GNA14: variants seen among roughly 807,000 people sequenced by gnomAD.
GNA14 encodes the protein guanine nucleotide-binding protein subunit alpha-14.
GNA14 carries 50 observed loss-of-function variants against 42.0 expected under a neutral mutation model. The ratio of observed to expected loss-of-function variants is 1.19; its 90% CI spans 0.95 to 1.51. The LOEUF (loss-of-function observed/expected upper bound fraction) is 1.51. Ranked by LOEUF, GNA14 falls within the 40% of genes most tolerant of loss-of-function variation. The probability of loss-of-function intolerance (pLI) is 0.00; values close to 1 mark genes in which losing one functional copy is unlikely to be tolerated. For synonymous variants in GNA14, 173 were observed against 163.1 expected (o/e 1.06, Z -0.46); for missense variants, 473 against 446.2 (o/e 1.06, Z -0.54).
At chr9:77,503,193 G>A (rs1047253968) in intron 2 of GNA14, among the ~76,000 whole-genome samples, 1 of 152,170 alleles carries the variant, frequency 6.6e-6, no homozygotes, top group Non-Finnish European at 1.5e-5. Flanking sequence ...TTCCAGAAAT[G>A]GGGGTTCCCA....
intron 2 of GNA14, among the ~76,000 whole-genome samples, chr9:77,459,056 C>G (rs1836059874): frequency 6.6e-6 from 1 of 152,032 alleles, no homozygotes; most frequent in Non-Finnish European, 1.5e-5. Flanking sequence ...GTACTTAATG[C>G]CACTGAATTG....
intron 2 of GNA14, among the ~76,000 whole-genome samples, chr9:77,495,465 A>T (rs2131739455): frequency 6.6e-6 from 1 of 152,264 alleles, no homozygotes; most frequent in African/African-American, 2.4e-5. Context: ...CTGAGTGACC[A>T]TTTGGTGGAA....
intron 2 of GNA14, among the ~76,000 whole-genome samples, chr9:77,525,347 G>A (rs952045642): frequency 6.6e-6 from 1 of 151,932 alleles, no homozygotes. Context: ...CTTTCCATTC[G>A]ACCTTCTGCC....
intron 1 of GNA14, among the ~76,000 whole-genome samples, chr9:77,542,139 G>C (rs1187243822): frequency 6.6e-6 from 1 of 152,080 alleles, no homozygotes; most frequent in African/African-American, 2.4e-5. Context: ...GATATCTGGT[G>C]TAACAGTCCA....
intron 1 of GNA14, among the ~76,000 whole-genome samples, chr9:77,568,197 T>C (rs1469774989): frequency 4.6e-5 from 7 of 152,118 alleles, no homozygotes; most frequent in African/African-American, 1.7e-4. Flanking sequence ...ATACCTGTAA[T>C]CCCAGCACTT....
chr9:77,445,323 A>G (rs1835797897), intron 2 of GNA14, among the ~76,000 whole-genome samples: 1 of 152,104 alleles, frequency 6.6e-6, no homozygotes, highest in Non-Finnish European at 1.5e-5. Context: ...GAACACAGTC[A>G]AGTGAAATTT....
chr9:77,440,674 T>G (rs1036126337), intron 2 of GNA14, among the ~76,000 whole-genome samples: 2 of 152,214 alleles, frequency 1.3e-5, no homozygotes, highest in Non-Finnish European at 2.9e-5. Context: ...TATTGTTTTG[T>G]AGTGAGAACA....
intron 1 of GNA14, among the ~76,000 whole-genome samples, chr9:77,546,283 T>C (rs1202770938): frequency 6.6e-6 from 1 of 151,274 alleles, no homozygotes; most frequent in Non-Finnish European, 1.5e-5. Context: ...CATATAGCCT[T>C]GGGCTTTTTC....
At chr9:77,550,242 T>C (rs1009079910) in intron 1 of GNA14, among the ~76,000 whole-genome samples, 1 of 152,292 alleles carries the variant, frequency 6.6e-6, no homozygotes, top group Admixed American at 6.5e-5. Flanking sequence ...ATTTCCAACT[T>C]TTATCCAGGA....
chr9:77,524,698 T>C (rs1403879107), intron 2 of GNA14, among the ~76,000 whole-genome samples: 4 of 152,198 alleles, frequency 2.6e-5, no homozygotes, highest in Non-Finnish European at 5.9e-5. Flanking sequence ...CACAGTTTCA[T>C]GTTTGGAATC....
At chr9:77,584,790 T>C (rs1823276020) in intron 1 of GNA14, among the ~76,000 whole-genome samples, 1 of 152,162 alleles carries the variant, frequency 6.6e-6, no homozygotes, top group Non-Finnish European at 1.5e-5. Context: ...ATTTTTATGG[T>C]TATTTCTTGA....
At chr9:77,597,011 G>T (rs1823476715) in intron 1 of GNA14, among the ~76,000 whole-genome samples, 1 of 152,166 alleles carries the variant, frequency 6.6e-6, no homozygotes, top group Admixed American at 6.5e-5. Flanking sequence ...CTGACACCTT[G>T]GGCACATGTC....
intron 1 of GNA14, among the ~76,000 whole-genome samples, chr9:77,626,979 G>T (rs1178652882): frequency 2.0e-5 from 3 of 151,990 alleles, no homozygotes; most frequent in Non-Finnish European, 2.9e-5. Flanking sequence ...AAAATAGATA[G>T]ACCACTAACA....
At chr9:77,534,392 G>A (rs1025601999) in intron 1 of GNA14, among the ~76,000 whole-genome samples, 8 of 152,142 alleles carry the variant, frequency 5.3e-5, no homozygotes, top group African/African-American at 1.7e-4. Flanking sequence ...GGAAACAGAG[G>A]CCAAAGCAAC....
chr9:77,578,520 T>C (rs1385890780), intron 1 of GNA14, among the ~76,000 whole-genome samples: 1 of 152,148 alleles, frequency 6.6e-6, no homozygotes, highest in Non-Finnish European at 1.5e-5. Context: ...AAAATATCAA[T>C]CTGGAACTAG....
At chr9:77,517,150 G>A (rs1408195860) in intron 2 of GNA14, among the ~76,000 whole-genome samples, 1 of 152,140 alleles carries the variant, frequency 6.6e-6, no homozygotes. Flanking sequence ...AAAATATCAT[G>A]GGAATTCTTC....
intron 2 of GNA14, among the ~76,000 whole-genome samples, chr9:77,458,908 G>GGGGA (rs1836056620): frequency 2.0e-5 from 3 of 147,488 alleles, no homozygotes; most frequent in Admixed American, 6.7e-5. Flanking sequence ...AGCTGGAGGG[G>GGGGA]GGGGGGTTGT....
chr9:77,548,169 A>G (rs1587826189), intron 1 of GNA14, among the ~76,000 whole-genome samples: 1 of 152,070 alleles, frequency 6.6e-6, no homozygotes, highest in Non-Finnish European at 1.5e-5. Context: ...GCTGAGAGGG[A>G]CTCTGCTCCA....
At chr9:77,538,760 T>C (rs888305222) in intron 1 of GNA14, among the ~76,000 whole-genome samples, 2 of 152,230 alleles carry the variant, frequency 1.3e-5, no homozygotes, top group African/African-American at 4.8e-5. Flanking sequence ...ATGGTACTAA[T>C]TTTTGTATGT....
Sources: gnomAD v4.1 joint callset for allele counts (sites outside exome capture counted in the v4.1 genomes callset) on GRCh38, gnomAD v4.1.1 for gene constraint, MANE v1.5 for transcripts, NCBI Gene and HGNC (gene_info 2026-07-23, HGNC 2026-07-21) for gene names.